Variants in MAST2 observed in about 807,000 individuals in gnomAD.
MAST2 encodes the protein microtubule-associated serine/threonine-protein kinase 2.
In MAST2, 70 loss-of-function variants were observed where a neutral mutation model predicts 147.4. That is an observed-to-expected ratio of 0.47 (90% CI 0.39 to 0.58). MAST2 has a LOEUF of 0.58. Among genes scored for constraint, MAST2 ranks in the 20% least tolerant of loss-of-function variants. The probability of loss-of-function intolerance (pLI) is 0.00; values close to 1 mark genes in which losing one functional copy is unlikely to be tolerated. For missense variants in MAST2, 2,080 were observed against 2,302.3 expected (o/e 0.90, Z 1.98); for synonymous variants, 869 against 896.8 (o/e 0.97, Z 0.55).
rs78137920 is a variant in MAST2 at position 45,929,802 on chromosome 1, A to AT, written c.501-29573dup. ...TACATATGTGTGTGTAAATAGATGG[A>AT]TTTTTTTTTTTGGAGGGCTATCTTC... On this transcript the variant is annotated intron_variant, in intron 4 of 28. Transcript: ENST00000361297. Among the ~76,000 whole-genome samples, 1,283 of 148,438 alleles carry AT rather than the reference A, an allele frequency of 8.6e-3. 16 individuals are homozygous for AT. Among genetic ancestry groups the AT allele is most frequent in the African/African-American group, 0.026 (1,056 of 40,730 alleles).
chr1:45,805,448 C>G (rs553314851), intron 1 of MAST2, among the ~76,000 whole-genome samples: 1 of 151,934 alleles, frequency 6.6e-6, no homozygotes, highest in Non-Finnish European at 1.5e-5. Flanking sequence ...ATCTCTGCCC[C>G]GCTTCTAGCT....
chr1:46,032,499 G>C, intron 25 of MAST2, 95 bp downstream of exon 25: 1 of 1,596,032 alleles, frequency 6.3e-7, no homozygotes, highest in Non-Finnish European at 8.6e-7. Flanking sequence ...GGGGGTCAAA[G>C]GGTGGTGGTG....
At chr1:45,885,687 A>G (rs760468195) in intron 4 of MAST2, among the ~76,000 whole-genome samples, 2 of 152,118 alleles carry the variant, frequency 1.3e-5, no homozygotes, top group African/African-American at 2.4e-5. Flanking sequence ...TTTTGCCTCC[A>G]TTCACTTTGT....
In MAST2 at chr1:45,870,941, TAAC is replaced by T. The variant is rs978134185; in HGVS notation, c.469-11414_469-11412del. Among the ~76,000 whole-genome samples, 48 of 151,956 alleles carry T rather than the reference TAAC, an allele frequency of 3.2e-4. 1 individual carries two copies. The highest frequency in any genetic ancestry group is 3.1e-3 in the East Asian group (16 of 5,194). The stretch of plus-strand genomic sequence containing the variant: ...GACCGTGTCTCAAAAAAAATTAAAA[TAAC>T]AACAACAAAAATTCATGGAAGATTT... On this transcript the variant is annotated intron_variant, in intron 3 of 28. Transcript: ENST00000361297.
intron 4 of MAST2, among the ~76,000 whole-genome samples, chr1:45,946,352 T>C (rs557522982): frequency 1.4e-4 from 22 of 152,276 alleles, no homozygotes; most frequent in African/African-American, 5.1e-4. Flanking sequence ...TGGAGACAAG[T>C]TGCCTGTCAT....
At chr1:45,837,369 C>G (rs1043815563) in intron 3 of MAST2, among the ~76,000 whole-genome samples, 10 of 152,224 alleles carry the variant, frequency 6.6e-5, no homozygotes, top group Non-Finnish European at 1.2e-4. Context: ...TGGAATCATA[C>G]AGTATATAGT....
intron 9 of MAST2, among the ~76,000 whole-genome samples, chr1:46,009,455 C>T (rs1571191441): frequency 6.6e-6 from 1 of 152,222 alleles, no homozygotes; most frequent in Non-Finnish European, 1.5e-5. Context: ...TACTGGACTG[C>T]AGAACCTGTG....
chr1:45,887,601 C>T (rs1647151286), intron 4 of MAST2, among the ~76,000 whole-genome samples: 1 of 152,170 alleles, frequency 6.6e-6, no homozygotes, highest in Non-Finnish European at 1.5e-5. Flanking sequence ...AACTTTGTTC[C>T]TATGAAACTG....
intron 4 of MAST2, among the ~76,000 whole-genome samples, chr1:45,949,473 A>T (rs1047543275): frequency 2.2e-4 from 34 of 152,202 alleles, no homozygotes; most frequent in African/African-American, 7.0e-4. Context: ...AAAAAGCTCA[A>T]TATCACCGAG....
intron 3 of MAST2, among the ~76,000 whole-genome samples, chr1:45,860,497 T>G (rs1645943317): frequency 1.3e-5 from 2 of 152,178 alleles, no homozygotes; most frequent in African/African-American, 4.8e-5. Flanking sequence ...AACTTAATTA[T>G]TCTTCCTGTT....
At chr1:45,935,297 C>A (rs1195466165) in intron 4 of MAST2, among the ~76,000 whole-genome samples, 1 of 152,070 alleles carries the variant, frequency 6.6e-6, no homozygotes, top group Non-Finnish European at 1.5e-5. Context: ...GATATTAGAC[C>A]TTTGTCAGAT....
chr1:45,941,627 A>G (rs565329013), intron 4 of MAST2, among the ~76,000 whole-genome samples: 2 of 152,196 alleles, frequency 1.3e-5, no homozygotes, highest in East Asian at 1.9e-4. Flanking sequence ...GTGAATGATA[A>G]CAGTTTTACT....
At chr1:45,960,271 A>G (rs7517560) in intron 5 of MAST2, among the ~76,000 whole-genome samples, 51,542 of 151,922 alleles carry the variant, frequency 0.34, 9,118 homozygotes, top group African/African-American at 0.43. Flanking sequence ...CACTTTGGGA[A>G]GCTGAGATGG....
chr1:45,997,919 C>A, intron 6 of MAST2, 120 bp downstream of exon 6: 1 of 843,084 alleles, frequency 1.2e-6, no homozygotes, highest in Non-Finnish European at 2.0e-6. Flanking sequence ...CCTGAAGCTC[C>A]CATCCATCAA....
At chr1:45,993,883 T>C (rs1362110570) in intron 5 of MAST2, among the ~76,000 whole-genome samples, 2 of 152,114 alleles carry the variant, frequency 1.3e-5, no homozygotes, top group Non-Finnish European at 2.9e-5. Flanking sequence ...CTGAGTTCAG[T>C]AATTCACTAG....
intron 4 of MAST2, among the ~76,000 whole-genome samples, chr1:45,940,621 A>AT (rs372778900): frequency 0.061 from 8,548 of 141,064 alleles, 300 homozygotes; most frequent in South Asian, 0.072. Context: ...AAGGTTGAGG[A>AT]TTTTTTTTTT....
chr1:46,029,804 C>A (rs41292252), intron 19 of MAST2, 27 bp from the exon 20 acceptor site: 1 of 1,612,692 alleles, frequency 6.2e-7, no homozygotes, highest in African/African-American at 1.3e-5. Flanking sequence ...CATCCTACCC[C>A]CTTGCCCATG....
chr1:46,007,714 G>A (rs1056795158), intron 8 of MAST2, among the ~76,000 whole-genome samples: 4 of 152,120 alleles, frequency 2.6e-5, no homozygotes, highest in Non-Finnish European at 5.9e-5. Flanking sequence ...TGAGCCAGAG[G>A]GGGAGATTTA....
chr1:46,011,785 G>GTGTT (rs1333927438), intron 10 of MAST2, among the ~76,000 whole-genome samples: 2 of 152,192 alleles, frequency 1.3e-5, no homozygotes, highest in Non-Finnish European at 2.9e-5. Flanking sequence ...GGACATCAGT[G>GTGTT]TGTTCGTCTA....
Sources: allele counts gnomAD v4.1 joint callset (sites outside exome capture counted in the v4.1 genomes callset), GRCh38; gene constraint gnomAD v4.1.1; transcripts MANE v1.5; gene names NCBI Gene and HGNC (gene_info 2026-07-23, HGNC 2026-07-21).